Variants in PPP2R2A observed in about 807,000 individuals in gnomAD.
PPP2R2A encodes serine/threonine-protein phosphatase 2A 55 kDa regulatory subunit B alpha isoform.
A neutral mutation model predicts 53.2 loss-of-function variants in PPP2R2A; 9 were observed. The observed-to-expected ratio is 0.17, with a 90% CI of 0.10 to 0.30. PPP2R2A has a LOEUF of 0.30. Among genes scored for constraint, PPP2R2A ranks in the 10% least tolerant of loss-of-function variants. The probability of loss-of-function intolerance (pLI) is 1.00; values close to 1 mark genes in which losing one functional copy is unlikely to be tolerated. For synonymous variants in PPP2R2A, 169 were observed against 174.2 expected, an observed-to-expected ratio of 0.97 and a Z score of 0.23; for missense variants, 235 against 534.6, an observed-to-expected ratio of 0.44 and a Z score of 5.53.
At chr8:26,351,156 C>T (rs1804482545) in intron 3 of PPP2R2A, among the ~76,000 whole-genome samples, 1 of 151,922 alleles carries the variant, frequency 6.6e-6, no homozygotes, top group Non-Finnish European at 1.5e-5. Flanking sequence ...TTTTTCTGTC[C>T]TGTATAAGAA....
chr8:26,342,918 G>A (rs763553160), intron 3 of PPP2R2A, among the ~76,000 whole-genome samples: 10 of 152,108 alleles, frequency 6.6e-5, no homozygotes, highest in African/African-American at 2.2e-4. Context: ...TGGGTTGGGG[G>A]CCGTGGCTGA....
chr8:26,313,866 T>C (rs949510039), intron 2 of PPP2R2A, among the ~76,000 whole-genome samples: 1 of 152,316 alleles, frequency 6.6e-6, no homozygotes, highest in East Asian at 1.9e-4. Context: ...GAAACTGTTT[T>C]TTGACTTTAA....
At chr8:26,324,580 C>T (rs1295586279) in intron 2 of PPP2R2A, among the ~76,000 whole-genome samples, 1 of 152,192 alleles carries the variant, frequency 6.6e-6, no homozygotes, top group African/African-American at 2.4e-5. Context: ...TCTGCTAGGA[C>T]AGTGCGGAAG....
chr8:26,318,590 T>C (rs1313426562), intron 2 of PPP2R2A, among the ~76,000 whole-genome samples: 1 of 152,200 alleles, frequency 6.6e-6, no homozygotes. Context: ...TGAAATACTC[T>C]GTAGTGAAAC....
At chr8:26,363,029 C>T in intron 7 of PPP2R2A, 181 bp downstream of exon 7, 1 of 570,764 alleles carries the variant, frequency 1.8e-6, no homozygotes, top group Non-Finnish European at 3.1e-6. Flanking sequence ...CCTGGAAGCT[C>T]TCTTGGGGGG....
intron 4 of PPP2R2A, among the ~76,000 whole-genome samples, chr8:26,358,739 T>G (rs1354594453): frequency 6.6e-6 from 1 of 152,214 alleles, no homozygotes; most frequent in Non-Finnish European, 1.5e-5. Context: ...AGAAAAACTG[T>G]TATACAATTG....
chr8:26,329,100 CTT>C (rs922302628), intron 2 of PPP2R2A, among the ~76,000 whole-genome samples: 1 of 151,970 alleles, frequency 6.6e-6, no homozygotes, highest in Non-Finnish European at 1.5e-5. Context: ...TCCTATAAAA[CTT>C]TTTAAAGTAC....
At chr8:26,309,185 A>G (rs1802161555) in intron 2 of PPP2R2A, among the ~76,000 whole-genome samples, 1 of 152,238 alleles carries the variant, frequency 6.6e-6, no homozygotes, top group Admixed American at 6.5e-5. Flanking sequence ...AATGCTAACA[A>G]TTGTCTTGTA....
At chr8:26,334,716 G>A (rs1191364147) in intron 2 of PPP2R2A, among the ~76,000 whole-genome samples, 1 of 151,990 alleles carries the variant, frequency 6.6e-6, no homozygotes, top group Non-Finnish European at 1.5e-5. Context: ...CTGCACTCCA[G>A]CCTGGGCGGC....
chr8:26,352,777 G>T (rs1485504484), intron 3 of PPP2R2A, among the ~76,000 whole-genome samples: 1 of 152,120 alleles, frequency 6.6e-6, no homozygotes, highest in South Asian at 2.1e-4. Context: ...AAATATTTCT[G>T]TTGTTTTGTG....
chr8:26,358,933 C>G (rs1432589231), intron 4 of PPP2R2A: 4 of 455,746 alleles, frequency 8.8e-6, no homozygotes, highest in South Asian at 6.2e-5. Flanking sequence ...TGACTCACTT[C>G]CAAAGAACAG....
intron 3 of PPP2R2A, chr8:26,350,781 C>T (rs780000089): frequency 2.0e-5 from 3 of 152,140 alleles, no homozygotes; most frequent in Non-Finnish European, 4.4e-5. Flanking sequence ...TTATAATTTT[C>T]TGTGTTGTGT....
chr8:26,291,929 C>T, intron 1 of PPP2R2A, 103 bp downstream of exon 1: 4 of 1,467,484 alleles, frequency 2.7e-6, no homozygotes, highest in Non-Finnish European at 3.7e-6. Context: ...AGCCACAGGG[C>T]GCCCCTCGGG....
intron 2 of PPP2R2A, among the ~76,000 whole-genome samples, chr8:26,304,618 C>G (rs1229003291): frequency 1.3e-5 from 2 of 152,096 alleles, no homozygotes; most frequent in Admixed American, 6.5e-5. Flanking sequence ...CTGCTTACCA[C>G]AAGGTAAGAT....
At chr8:26,361,195 T>C in intron 6 of PPP2R2A, 44 bp downstream of exon 6, 3 of 1,496,854 alleles carry the variant, frequency 2.0e-6, no homozygotes, top group Non-Finnish European at 2.7e-6. Flanking sequence ...GAAGGCATGT[T>C]GTGCCCATAT....
chr8:26,324,134 G>T (rs1478480566), intron 2 of PPP2R2A, among the ~76,000 whole-genome samples: 4 of 152,130 alleles, frequency 2.6e-5, no homozygotes, highest in Non-Finnish European at 5.9e-5. Flanking sequence ...TGGCATTCTG[G>T]AATGCTTTCC....
At chr8:26,326,087 T>C (rs1245687119) in intron 2 of PPP2R2A, among the ~76,000 whole-genome samples, 1 of 152,242 alleles carries the variant, frequency 6.6e-6, no homozygotes, top group Non-Finnish European at 1.5e-5. Flanking sequence ...TCCTCCCACT[T>C]TGGCCTCCCA....
intron 3 of PPP2R2A, among the ~76,000 whole-genome samples, chr8:26,352,934 T>G (rs1171857823): frequency 6.6e-6 from 1 of 152,232 alleles, no homozygotes. Context: ...TGTCTATCCC[T>G]CTACGCCCTA....
intron 2 of PPP2R2A, chr8:26,333,460 T>C: frequency 1.8e-6 from 2 of 1,136,496 alleles, no homozygotes; most frequent in South Asian, 2.9e-5. Flanking sequence ...TATAACCCTC[T>C]TTGCACTTTG....
Sources: gnomAD v4.1 joint callset for allele counts (sites outside exome capture counted in the v4.1 genomes callset) on GRCh38, gnomAD v4.1.1 for gene constraint, MANE v1.5 for transcripts, NCBI Gene and HGNC (gene_info 2026-07-23, HGNC 2026-07-21) for gene names.